The following PLEKHM1 variants were observed in gnomAD, a reference collection of about 807,000 sequenced individuals.
PLEKHM1 encodes the protein pleckstrin homology domain-containing family M member 1.
PLEKHM1 carries 28 observed loss-of-function variants against 94.3 expected under a neutral mutation model. The observed-to-expected ratio is 0.30, with a 90% CI of 0.22 to 0.41. The LOEUF (loss-of-function observed/expected upper bound fraction) is 0.41. Among genes scored for constraint, PLEKHM1 ranks in the 10% least tolerant of loss-of-function variants. PLEKHM1 has a pLI of 1.00. For synonymous variants in PLEKHM1, 424 were observed against 581.2 expected, an observed-to-expected ratio of 0.73 and a Z score of 3.89; for missense variants, 907 against 1,358.6, an observed-to-expected ratio of 0.67 and a Z score of 5.22.
chr17:45,476,473 G>A (rs2145325944), intron 3 of PLEKHM1, among the ~76,000 whole-genome samples: 1 of 152,134 alleles, frequency 6.6e-6, no homozygotes, highest in African/African-American at 2.4e-5. Flanking sequence ...GCGGAAAAGT[G>A]GGTGGTTTGG....
Position 45,444,770 on chromosome 17 carries a change from T to A in PLEKHM1, c.2837+700A>T, listed in dbSNP as rs1270055826. ...TCCTAATTTTTCAAGTCTCACCTTATAAGTCACTTCCTCCAGGAAGTCCTT... is the reference window on the plus strand; with the variant it reads ...TCCTAATTTTTCAAGTCTCACCTTAAAAGTCACTTCCTCCAGGAAGTCCTT... On this transcript the variant is annotated intron_variant, in intron 9 of 11. Coordinates refer to ENST00000430334, the MANE Select transcript of PLEKHM1 (RefSeq NM_014798.3). The surrounding 1 kb of genome is among the most constrained non-coding windows in gnomAD (Gnocchi z 5.0). 1.3e-5 allele frequency among the ~76,000 whole-genome samples: 2 copies of A among 152,140 alleles called. No homozygotes were observed.
At chr17:45,452,520 T>C (rs1316016012) in intron 7 of PLEKHM1, among the ~76,000 whole-genome samples, 1 of 151,684 alleles carries the variant, frequency 6.6e-6, no homozygotes, top group Admixed American at 6.6e-5. Flanking sequence ...ACTTACCAGC[T>C]CTGTGCTTCA....
intron 1 of PLEKHM1, among the ~76,000 whole-genome samples, chr17:45,484,080 G>C (rs188618542): frequency 2.0e-5 from 3 of 152,320 alleles, no homozygotes; most frequent in Admixed American, 2.0e-4. Context: ...AGACTCCTAA[G>C]ACTGACAGAA....
intron 5 of PLEKHM1, among the ~76,000 whole-genome samples, chr17:45,458,818 T>C (rs1356399024): frequency 2.6e-5 from 4 of 151,098 alleles, no homozygotes; most frequent in East Asian, 2.0e-4. Context: ...GGCTCTTATA[T>C]CATAAAATTA....
chr17:45,463,047 T>C (rs2051199858), intron 5 of PLEKHM1, among the ~76,000 whole-genome samples: 1 of 147,754 alleles, frequency 6.8e-6, no homozygotes, highest in East Asian at 2.0e-4. Context: ...GATGGAGCTA[T>C]TGCACTCCCA....
intron 1 of PLEKHM1, among the ~76,000 whole-genome samples, chr17:45,486,172 C>T (rs1196851422): frequency 7.2e-6 from 1 of 139,844 alleles, no homozygotes; most frequent in African/African-American, 2.7e-5. Context: ...AGCCGAGATC[C>T]CGCCACTGCA....
downstream of PLEKHM1, among the ~76,000 whole-genome samples, chr17:45,435,054 C>T (rs750156761): frequency 6.6e-6 from 1 of 151,984 alleles, no homozygotes; most frequent in Non-Finnish European, 1.5e-5. Context: ...GGCCTGAACC[C>T]ACCGGCAGGG....
chr17:45,440,367 G>T, intron 9 of PLEKHM1, 141 bp from the exon 10 acceptor site: 1 of 785,210 alleles, frequency 1.3e-6, no homozygotes, highest in Non-Finnish European at 2.2e-6. Context: ...AGTGTAATTC[G>T]GCCTGCCTGG....
chr17:45,487,860 A>T, intron 1 of PLEKHM1: 1 of 455,538 alleles, frequency 2.2e-6, no homozygotes, highest in Non-Finnish European at 4.4e-6. Flanking sequence ...GAATTGTGTA[A>T]CTGGCTGTTC....
rs2051819518 is a variant in PLEKHM1 at position 45,478,167 on chromosome 17, AC to A, written c.49-21del. ...GATGACCTAGGCAGCACCACACAGAACACAGGCCTTTAGCGGAAAATCCTAT... is the reference window on the plus strand; with the variant it reads ...GATGACCTAGGCAGCACCACACAGAAACAGGCCTTTAGCGGAAAATCCTAT... On this transcript the variant is annotated intron_variant, in intron 2 of 11. Coordinates refer to ENST00000430334, the MANE Select transcript of PLEKHM1 (RefSeq NM_014798.3). 6.2e-7 allele frequency: 1 copy of A among 1,614,140 alleles called. No homozygotes were observed. Among genetic ancestry groups the A allele is most frequent in the African/African-American group, 1.3e-5 (1 of 75,032 alleles).
In PLEKHM1 at chr17:45,445,538, C is replaced by A; in HGVS notation, c.2769G>T (p.Glu923Asp). The A allele has an allele frequency of 1.2e-6, 2 of 1,613,878 alleles. No individual in the cohort carries two copies. The highest frequency in any genetic ancestry group is 1.7e-6 in the Non-Finnish European group (2 of 1,179,872). ...GGTAATCCCCCAGGAGCTTCAGCTG[C>A]TCCCGTCTCCTCCCAATGAGGTGCA... Reference protein sequence around the residue: ...ERMHLIGRRREQLKLLGDYLG... With the variant: ...ERMHLIGRRRDQLKLLGDYLG... Residue 923 changes from glutamate to aspartate, a missense_variant, in exon 9 of 12, where the codon GAG (glutamate) becomes GAT (aspartate). This residue lies in a region of PLEKHM1 where 254 missense variants were observed against 451.1 expected (regional missense o/e 0.56). Transcript: ENST00000430334. The surrounding 1 kb of genome is among the most constrained non-coding windows in gnomAD (Gnocchi z 4.2).
intron 5 of PLEKHM1, chr17:45,463,691 C>G (rs1433903407): frequency 6.6e-6 from 1 of 152,534 alleles, no homozygotes; most frequent in East Asian, 1.9e-4. Flanking sequence ...CTGCACCCGG[C>G]CCCCTTCTCT....
intron 5 of PLEKHM1, among the ~76,000 whole-genome samples, chr17:45,460,706 C>T (rs1341481648): frequency 6.6e-6 from 1 of 152,074 alleles, no homozygotes; most frequent in Non-Finnish European, 1.5e-5. Flanking sequence ...TACAGGCATG[C>T]ACCAGCATGC....
chr17:45,485,221 T>C (rs2052073290), intron 1 of PLEKHM1, among the ~76,000 whole-genome samples: 1 of 151,854 alleles, frequency 6.6e-6, no homozygotes, highest in Non-Finnish European at 1.5e-5. Context: ...CTGCAGTGAC[T>C]CTGCATCTAG....
At chr17:45,447,940 A>C (rs1220112372) in intron 8 of PLEKHM1, 1 of 151,866 alleles carries the variant, frequency 6.6e-6, no homozygotes, top group Non-Finnish European at 1.5e-5. Context: ...TGGATTACAA[A>C]CATGCGCCAC....
In PLEKHM1 at chr17:45,453,448, T is replaced by G. The variant is rs977684134; in HGVS notation, c.2404A>C (p.Lys802Gln). The change falls in exon 7 of 12, where the codon AAA becomes CAA. Residue 802 changes from lysine to glutamine, a missense_variant. Around this residue, in one of 3 missense-constraint regions of PLEKHM1, gnomAD observed 254 missense variants for 451.1 expected, o/e 0.56. Transcript: ENST00000430334. The surrounding 1 kb of genome is among the most constrained non-coding windows in gnomAD (Gnocchi z 4.1). The stretch of plus-strand genomic sequence containing the variant: ...AAGCCATTCTCCCGGGTGGCAAATT[T>G]CAGCACCTCCTGACAGTTTTCATCC... ...SLDENCQEVL[K>Q]FATRENGFLL... 4.8e-5 allele frequency: 77 copies of G among 1,612,022 alleles called. No homozygotes were observed. Among genetic ancestry groups the G allele is most frequent in the Admixed American group, 6.7e-5 (4 of 59,786 alleles).
chr17:45,440,411 C>A lies in PLEKHM1; in HGVS notation c.2838-185G>T, dbSNP rs2050413590. 7.5e-6 allele frequency: 5 copies of A among 667,810 alleles called. No homozygotes were observed. In the Admixed American group the frequency reaches 1.1e-4, roughly 15 times the overall value. The allele number at this position is 667,810 out of a possible 1,614,324, so 41.4% of individuals were successfully genotyped here. A position where few individuals can be genotyped will look rare whatever the true frequency, so the allele number is the denominator to read the frequency against. On this transcript the variant is annotated intron_variant, in intron 9 of 11. Coordinates refer to ENST00000430334, the MANE Select transcript of PLEKHM1 (RefSeq NM_014798.3). ...CCTGGTCTTCAACGTAACTAACTAGCTGGTGGGACCTTGGGCACGTTACTT... is the reference window on the plus strand; with the variant it reads ...CCTGGTCTTCAACGTAACTAACTAGATGGTGGGACCTTGGGCACGTTACTT...
chr17:45,447,622 G>T (rs2050646917), intron 8 of PLEKHM1, among the ~76,000 whole-genome samples: 1 of 151,804 alleles, frequency 6.6e-6, no homozygotes, highest in South Asian at 2.1e-4. Context: ...GGTCAGCCAG[G>T]CCTCAGCACC....
At chr17:45,463,440 T>C (rs1427826986) in intron 5 of PLEKHM1, among the ~76,000 whole-genome samples, 1 of 152,240 alleles carries the variant, frequency 6.6e-6, no homozygotes, top group African/African-American at 2.4e-5. Context: ...TTGCCCAGGC[T>C]GGATCACAGT....
Sources: allele counts gnomAD v4.1 joint callset (sites outside exome capture counted in the v4.1 genomes callset), GRCh38; gene constraint gnomAD v4.1.1; regional missense constraint gnomAD v4.1.1; non-coding constraint Gnocchi (gnomAD v3.1); transcripts MANE v1.5; gene names NCBI Gene and HGNC (gene_info 2026-07-23, HGNC 2026-07-21).